The following LINGO2 variants were observed in gnomAD, a reference collection of about 807,000 sequenced individuals.
LINGO2 encodes the protein leucine rich repeat and Ig domain containing 2.
Under a neutral mutation model 30.6 loss-of-function variants are expected in LINGO2, and 14 were observed. The observed-to-expected ratio is 0.46, with a 90% CI of 0.30 to 0.72. LINGO2 has a LOEUF of 0.72. Ranked by LOEUF, LINGO2 falls within the 30% of genes least tolerant of loss-of-function variation. LINGO2 has a pLI of 0.07. For synonymous variants in LINGO2, 317 were observed against 288.5 expected (o/e 1.10, Z -1.00); for missense variants, 729 against 751.7 (o/e 0.97, Z 0.35).
chr9:28,138,991 C>T (rs569491269), intron 4 of LINGO2, among the ~76,000 whole-genome samples: 3 of 152,288 alleles, frequency 2.0e-5, no homozygotes, highest in Non-Finnish European at 2.9e-5. Context: ...TCTCCCTCCA[C>T]TATCAGTAAG....
At chr9:28,079,909 C>T (rs1360147200) in intron 4 of LINGO2, among the ~76,000 whole-genome samples, 7 of 152,214 alleles carry the variant, frequency 4.6e-5, no homozygotes, top group Non-Finnish European at 1.0e-4. Flanking sequence ...TATGCGACAT[C>T]TCAGTAAATA....
At chr9:28,608,743 G>A (rs535111761) in intron 1 of LINGO2, among the ~76,000 whole-genome samples, 8 of 151,930 alleles carry the variant, frequency 5.3e-5, no homozygotes, top group African/African-American at 1.2e-4. Flanking sequence ...AGAGAAGCAT[G>A]CTTCACAGGT....
chr9:28,146,558 A>G (rs1030945124), intron 4 of LINGO2, among the ~76,000 whole-genome samples: 1 of 120,388 alleles, frequency 8.3e-6, no homozygotes, highest in Non-Finnish European at 1.9e-5. Context: ...TAAGTGGTAA[A>G]AATCTTTTTT....
At chr9:28,077,807 G>T (rs1587817092) in intron 4 of LINGO2, among the ~76,000 whole-genome samples, 1 of 148,624 alleles carries the variant, frequency 6.7e-6, no homozygotes, top group African/African-American at 2.6e-5. Flanking sequence ...AAAGAAGAAA[G>T]AAGTAGAAAA....
intron 2 of LINGO2, among the ~76,000 whole-genome samples, chr9:28,394,187 A>G (rs1241624442): frequency 2.6e-5 from 4 of 152,196 alleles, no homozygotes; most frequent in Non-Finnish European, 5.9e-5. Flanking sequence ...TACCAAAGCC[A>G]TATCAGGTAT....
the LINGO2 span, among the ~76,000 whole-genome samples, chr9:29,142,737 GGCAAGA>G: frequency 6.6e-6 from 1 of 151,688 alleles, no homozygotes; most frequent in Non-Finnish European, 1.5e-5. Flanking sequence ...TTAGAAGCAG[GGCAAGA>G]ATGTCCCCTC....
chr9:28,658,054 T>C (rs928350567), intron 1 of LINGO2, among the ~76,000 whole-genome samples: 5 of 152,086 alleles, frequency 3.3e-5, no homozygotes, highest in Non-Finnish European at 7.4e-5. Flanking sequence ...TTTTGTGATT[T>C]CCTGTTTTCT....
chr9:29,050,009 A>C, the LINGO2 span, among the ~76,000 whole-genome samples: 1 of 151,302 alleles, frequency 6.6e-6, no homozygotes, highest in South Asian at 2.1e-4. Flanking sequence ...ACCTTTCTCC[A>C]TGATGTGATG....
intron 1 of LINGO2, among the ~76,000 whole-genome samples, chr9:28,485,235 C>T (rs946747052): frequency 2.0e-5 from 3 of 152,070 alleles, no homozygotes; most frequent in African/African-American, 4.8e-5. Flanking sequence ...TTCAGCAGTT[C>T]CTCCAGTCTT....
At chr9:28,661,813 A>AT (rs1828594790) in intron 1 of LINGO2, among the ~76,000 whole-genome samples, 1 of 152,172 alleles carries the variant, frequency 6.6e-6, no homozygotes, top group South Asian at 2.1e-4. Context: ...AGATGAGCTG[A>AT]TTTTCCTTCT....
chr9:27,975,151 G>A (rs1325481498), intron 5 of LINGO2, among the ~76,000 whole-genome samples: 2 of 152,046 alleles, frequency 1.3e-5, no homozygotes, highest in Non-Finnish European at 2.9e-5. Context: ...AATAGCAAAG[G>A]GATGAGAGAT....
At chr9:28,377,607 G>A (rs1017158132) in intron 2 of LINGO2, among the ~76,000 whole-genome samples, 1 of 152,004 alleles carries the variant, frequency 6.6e-6, no homozygotes, top group Non-Finnish European at 1.5e-5. Context: ...TAGTATACAT[G>A]TACACACATG....
At chr9:28,243,472 G>A (rs1219566450) in intron 4 of LINGO2, among the ~76,000 whole-genome samples, 9 of 116,038 alleles carry the variant, frequency 7.8e-5, no homozygotes, top group Non-Finnish European at 1.1e-4. Flanking sequence ...AATAAAAAAA[G>A]AAGAAGAAGA....
At chr9:28,748,920 G>A in the LINGO2 span, among the ~76,000 whole-genome samples, 9 of 151,928 alleles carry the variant, frequency 5.9e-5, no homozygotes, top group Admixed American at 3.3e-4. Flanking sequence ...TGTAAATTTT[G>A]TATGAATCAA....
the LINGO2 span, among the ~76,000 whole-genome samples, chr9:29,062,990 T>G: frequency 1.3e-5 from 2 of 152,158 alleles, no homozygotes; most frequent in Non-Finnish European, 2.9e-5. Context: ...TCAGCCCTAC[T>G]GGACATCCTA....
chr9:28,604,010 C>T (rs74521173), intron 1 of LINGO2, among the ~76,000 whole-genome samples: 8,411 of 151,926 alleles, frequency 0.055, 249 homozygotes, highest in Middle Eastern at 0.078. Context: ...TGAATTTTAG[C>T]CTTCGAGTTT....
chr9:28,974,526 T>A, the LINGO2 span, among the ~76,000 whole-genome samples: 1 of 152,304 alleles, frequency 6.6e-6, no homozygotes, highest in Admixed American at 6.5e-5. Context: ...GCAAACAGTG[T>A]TAAAAATGGG....
chr9:28,347,080 C>CA (rs1458867506), intron 3 of LINGO2, among the ~76,000 whole-genome samples: 1 of 151,936 alleles, frequency 6.6e-6, no homozygotes, highest in Non-Finnish European at 1.5e-5. Flanking sequence ...TTTGCAGATA[C>CA]AAAATATGTT....
At chr9:28,418,160 AT>A (rs1421212230) in intron 2 of LINGO2, among the ~76,000 whole-genome samples, 3 of 152,056 alleles carry the variant, frequency 2.0e-5, no homozygotes, top group African/African-American at 7.2e-5. Context: ...TGAGCATATG[AT>A]TAGTGTTCTT....
Sources: allele counts gnomAD v4.1 joint callset (sites outside exome capture counted in the v4.1 genomes callset), GRCh38; gene constraint gnomAD v4.1.1; transcripts MANE v1.5; gene names NCBI Gene and HGNC (gene_info 2026-07-23, HGNC 2026-07-21).